Variants in CORIN observed in about 807,000 individuals in gnomAD.
The protein encoded by CORIN is corin, serine peptidase.
CORIN carries 117 observed loss-of-function variants against 125.3 expected under a neutral mutation model. The ratio of observed to expected loss-of-function variants is 0.93; its 90% confidence interval spans 0.80 to 1.09. The LOEUF is 1.09. CORIN is among the 50% of genes least tolerant of loss of function. The pLI, the probability that CORIN is intolerant of heterozygous loss-of-function variation, is 0.00. For missense variants in CORIN, 1,253 were observed against 1,306.7 expected (o/e 0.96, Z 0.63); for synonymous variants, 450 against 466.4 (o/e 0.96, Z 0.45).
intron 5 of CORIN, among the ~76,000 whole-genome samples, chr4:47,699,890 G>C (rs1182828769): frequency 6.6e-6 from 1 of 152,158 alleles, no homozygotes; most frequent in African/African-American, 2.4e-5. Flanking sequence ...CTGTGATGAT[G>C]TGTCTAACAT....
At chr4:47,623,096 C>CTCTCTATATATATA (rs771867590) in intron 19 of CORIN, among the ~76,000 whole-genome samples, 108 of 102,280 alleles carry the variant, frequency 1.1e-3, no homozygotes, top group East Asian at 5.6e-3. Context: ...CTCTCTCTCT[C>CTCTCTATATATATA]TATATATATA....
chr4:47,776,533 C>T (rs1305619813), intron 3 of CORIN, among the ~76,000 whole-genome samples: 1 of 152,164 alleles, frequency 6.6e-6, no homozygotes, highest in Non-Finnish European at 1.5e-5. Context: ...GCTTAACAGC[C>T]ATCAGGACAT....
intron 5 of CORIN, among the ~76,000 whole-genome samples, chr4:47,704,697 C>G (rs1726467048): frequency 1.3e-5 from 2 of 152,266 alleles, no homozygotes; most frequent in South Asian, 2.1e-4. Flanking sequence ...TGAGCAGATA[C>G]AGAGTCTCCT....
At chr4:47,757,250 T>TGACA (rs1370598441) in intron 4 of CORIN, among the ~76,000 whole-genome samples, 1 of 152,100 alleles carries the variant, frequency 6.6e-6, no homozygotes, top group Non-Finnish European at 1.5e-5. Flanking sequence ...ATACACTAAG[T>TGACA]GACAGCAAGA....
intron 4 of CORIN, among the ~76,000 whole-genome samples, chr4:47,757,878 G>GTATATATATATATATATATA (rs59621469): frequency 9.7e-5 from 12 of 123,910 alleles, no homozygotes; most frequent in African/African-American, 3.9e-4. Context: ...ATATATATAT[G>GTATATATATATATATATATA]TATATATATA....
chr4:47,736,412 A>G (rs1373255785), intron 5 of CORIN, among the ~76,000 whole-genome samples: 2 of 152,212 alleles, frequency 1.3e-5, no homozygotes, highest in Non-Finnish European at 2.9e-5. Context: ...GGCATCTGAG[A>G]GCTGATGAGA....
At chr4:47,735,227 T>C (rs1728070039) in intron 5 of CORIN, among the ~76,000 whole-genome samples, 1 of 152,242 alleles carries the variant, frequency 6.6e-6, no homozygotes, top group Non-Finnish European at 1.5e-5. Flanking sequence ...ACAAAGATTG[T>C]AGCTGGCAGT....
chr4:47,766,879 G>T (rs1262370663), intron 3 of CORIN, among the ~76,000 whole-genome samples: 3 of 150,262 alleles, frequency 2.0e-5, no homozygotes, highest in African/African-American at 7.4e-5. Context: ...TCGGGAGGCG[G>T]AGGTTGGCAG....
intron 9 of CORIN, 127 bp downstream of exon 9, chr4:47,677,811 C>G: frequency 1.5e-6 from 1 of 679,766 alleles, no homozygotes; most frequent in Admixed American, 2.2e-5. Context: ...CTGTGAGGAC[C>G]ACTATGTTAG....
chr4:47,650,632 TC>T (rs1723695576), intron 13 of CORIN, among the ~76,000 whole-genome samples: 2 of 152,190 alleles, frequency 1.3e-5, no homozygotes, highest in African/African-American at 4.8e-5. Flanking sequence ...CCCATGTCTT[TC>T]CCTCATGCTC....
chr4:47,733,630 T>C (rs1466890046), intron 5 of CORIN, among the ~76,000 whole-genome samples: 4 of 152,188 alleles, frequency 2.6e-5, no homozygotes, highest in East Asian at 1.9e-4. Context: ...GATTACAGAC[T>C]AGGTAAAGGA....
intron 5 of CORIN, among the ~76,000 whole-genome samples, chr4:47,725,468 C>T (rs541166082): frequency 2.4e-4 from 37 of 151,958 alleles, no homozygotes; most frequent in African/African-American, 8.2e-4. Flanking sequence ...AATAGACCCA[C>T]GAGAATAAGG....
At chr4:47,757,976 C>T (rs188926702) in intron 4 of CORIN, among the ~76,000 whole-genome samples, 117 of 150,754 alleles carry the variant, frequency 7.8e-4, no homozygotes, top group African/African-American at 2.7e-3. Flanking sequence ...TGCAGTGGCA[C>T]GATCTCAGCT....
intron 4 of CORIN, among the ~76,000 whole-genome samples, chr4:47,762,944 C>G (rs1729535210): frequency 6.6e-6 from 1 of 152,184 alleles, no homozygotes; most frequent in African/African-American, 2.4e-5. Context: ...CTCTAACTCT[C>G]TCTAGGTGCT....
intron 1 of CORIN, among the ~76,000 whole-genome samples, chr4:47,823,092 C>T (rs570769607): frequency 3.9e-4 from 59 of 152,294 alleles, no homozygotes; most frequent in Non-Finnish European, 6.5e-4. Flanking sequence ...GGATTACAGG[C>T]GTGAGCCACC....
rs12505683 is a variant in CORIN, at chr4:47,749,313, T to C, written c.618-4730A>G. The stretch of plus-strand genomic sequence containing the variant: ...TCTACATAAGATTGTGACTTCTGCA[T>C]TGCTAACAGACTCTCTCCCTTACTG... On this transcript the variant is annotated intron_variant, in intron 4 of 21. Coordinates refer to ENST00000273857, the MANE Select transcript of CORIN (RefSeq NM_006587.4). Among the ~76,000 whole-genome samples, 477 of 152,308 alleles carry C rather than the reference T, an allele frequency of 3.1e-3. 4 individuals carry two copies. The highest frequency in any genetic ancestry group is 0.024 in the Admixed American group (368 of 15,306).
At chr4:47,602,855 C>T (rs907957187) in intron 20 of CORIN, among the ~76,000 whole-genome samples, 7 of 152,160 alleles carry the variant, frequency 4.6e-5, no homozygotes, top group Admixed American at 2.6e-4. Flanking sequence ...TGGGAAATTA[C>T]GGCCAAAAGC....
intron 3 of CORIN, among the ~76,000 whole-genome samples, chr4:47,785,054 A>T (rs1049709421): frequency 1.3e-5 from 2 of 152,240 alleles, no homozygotes; most frequent in African/African-American, 4.8e-5. Context: ...GCCATCTCAG[A>T]CTTAAGATGT....
intron 7 of CORIN, chr4:47,682,462 A>AAAAG (rs1725336183): frequency 1.3e-5 from 2 of 150,904 alleles, no homozygotes; most frequent in Non-Finnish European, 3.0e-5. Context: ...AAAAAAAAAA[A>AAAAG]AGAGAGAGAG....
Sources: gnomAD v4.1 joint callset for allele counts (sites outside exome capture counted in the v4.1 genomes callset) on GRCh38, gnomAD v4.1.1 for gene constraint, MANE v1.5 for transcripts, NCBI Gene and HGNC (gene_info 2026-07-23, HGNC 2026-07-21) for gene names.